The following MYO16 variants were observed in gnomAD, a reference collection of about 807,000 sequenced individuals.
The protein encoded by MYO16 is myosin XVI, also known as unconventional myosin-XVI.
MYO16 carries 94 observed loss-of-function variants against 205.3 expected under a neutral mutation model. The observed-to-expected ratio is 0.46, with a 90% CI of 0.39 to 0.54. The LOEUF is 0.54. MYO16 is among the 20% of genes least tolerant of loss of function. MYO16 has a pLI of 0.00. For missense variants in MYO16, 2,315 were observed against 2,387.5 expected (o/e 0.97, Z 0.63); for synonymous variants, 988 against 954.0 (o/e 1.04, Z -0.66).
chr13:108,699,096 CTATATA>C (rs10590969), intron 2 of MYO16, among the ~76,000 whole-genome samples: 18 of 132,362 alleles, frequency 1.4e-4, no homozygotes, highest in Non-Finnish European at 2.7e-4. Context: ...CTCTCTCTCT[CTATATA>C]TATATATATG....
intron 1 of MYO16, among the ~76,000 whole-genome samples, chr13:108,649,204 C>A (rs1330516140): frequency 6.7e-6 from 1 of 148,682 alleles, no homozygotes; most frequent in African/African-American, 2.6e-5. Flanking sequence ...TGCACATGTC[C>A]CCTAAAACTT....
intron 32 of MYO16, among the ~76,000 whole-genome samples, chr13:109,144,400 CT>C (rs1297476094): frequency 1.3e-5 from 2 of 152,092 alleles, no homozygotes; most frequent in Non-Finnish European, 2.9e-5. Flanking sequence ...TCAGGCCATT[CT>C]TTTAGAATGT....
intron 2 of MYO16, among the ~76,000 whole-genome samples, chr13:108,701,013 G>A (rs769464147): frequency 1.3e-5 from 2 of 152,116 alleles, no homozygotes; most frequent in African/African-American, 2.4e-5. Flanking sequence ...GATCCTAAGC[G>A]AAGGCTGAGA....
chr13:108,927,263 C>T lies in MYO16; in HGVS notation c.1925+17113C>T, dbSNP rs556392041. Among the ~76,000 whole-genome samples, 20 of 152,282 alleles carry T rather than the reference C, an allele frequency of 1.3e-4. No individual in the cohort carries two copies. The South Asian group carries it at 1.4e-3, about 11-fold the overall frequency. On this transcript the variant is annotated intron_variant, in intron 16 of 34. Transcript: ENST00000457511. ...AAATAATGCATTATATTTGCATTTTCGGCATTTAGAATCTTTTCTCCTATT... is the reference window on the plus strand; with the variant it reads ...AAATAATGCATTATATTTGCATTTTTGGCATTTAGAATCTTTTCTCCTATT...
chr13:108,748,245 C>T (rs1885125567), intron 4 of MYO16, among the ~76,000 whole-genome samples: 1 of 151,982 alleles, frequency 6.6e-6, no homozygotes, highest in Non-Finnish European at 1.5e-5. Context: ...AAACAGCACA[C>T]TTAAAAATTA....
At chr13:108,945,736 A>G (rs561228296) in intron 16 of MYO16, among the ~76,000 whole-genome samples, 1 of 152,292 alleles carries the variant, frequency 6.6e-6, no homozygotes, top group African/African-American at 2.4e-5. Flanking sequence ...ATTGTTTTGG[A>G]TAAGTTTACC....
the MYO16 span, among the ~76,000 whole-genome samples, chr13:108,553,150 C>T: frequency 1.3e-5 from 2 of 150,662 alleles, no homozygotes. Context: ...TCCTGAGTAG[C>T]TGGGATTACA....
intron 1 of MYO16, among the ~76,000 whole-genome samples, chr13:108,647,739 G>A (rs953361195): frequency 1.3e-5 from 2 of 152,122 alleles, no homozygotes; most frequent in Non-Finnish European, 2.9e-5. Flanking sequence ...TTAGATATAG[G>A]TATATTTCAG....
At chr13:108,662,384 A>G (rs1395439871) in intron 1 of MYO16, among the ~76,000 whole-genome samples, 1 of 152,150 alleles carries the variant, frequency 6.6e-6, no homozygotes, top group East Asian at 1.9e-4. Flanking sequence ...ACCAGGGTGG[A>G]TAGGGAAGGA....
intron 23 of MYO16, among the ~76,000 whole-genome samples, chr13:109,043,279 C>T (rs750584450): frequency 6.6e-6 from 1 of 152,146 alleles, no homozygotes; most frequent in Non-Finnish European, 1.5e-5. Flanking sequence ...GCCCTGAAGA[C>T]ACTTGGTAGC....
the MYO16 span, among the ~76,000 whole-genome samples, chr13:108,526,907 A>T: frequency 6.6e-6 from 1 of 152,328 alleles, no homozygotes; most frequent in East Asian, 1.9e-4. Context: ...ACAGACTTTT[A>T]GACAAACTGC....
At chr13:109,062,730 T>C (rs867181820) in intron 27 of MYO16, among the ~76,000 whole-genome samples, 20 of 152,124 alleles carry the variant, frequency 1.3e-4, no homozygotes, top group African/African-American at 4.8e-4. Flanking sequence ...AGAAATAGCA[T>C]ATTTTAGTAT....
intron 16 of MYO16, among the ~76,000 whole-genome samples, chr13:108,957,213 G>C (rs529459767): frequency 6.6e-6 from 1 of 151,722 alleles, no homozygotes; most frequent in Admixed American, 6.6e-5. Flanking sequence ...GTGAAACCCC[G>C]TCTCTACTAA....
rs937893053 is a variant in MYO16, at chr13:109,004,398, C to A, written c.2443-4499C>A. Among the ~76,000 whole-genome samples, 6 of 152,090 alleles carry A rather than the reference C, an allele frequency of 3.9e-5. No individual in the cohort carries two copies. The East Asian group carries it at 1.2e-3, about 29-fold the overall frequency. On this transcript the variant is annotated intron_variant, in intron 21 of 34. Transcript: ENST00000457511. ...TATAGCATTTATTATTCCTTTATAACAAAATTACCTTATTATTGGAGTTTA... is the reference window on the plus strand; with the variant it reads ...TATAGCATTTATTATTCCTTTATAAAAAAATTACCTTATTATTGGAGTTTA...
intron 11 of MYO16, among the ~76,000 whole-genome samples, chr13:108,858,389 C>T (rs1315691482): frequency 1.3e-5 from 2 of 152,074 alleles, no homozygotes; most frequent in Non-Finnish European, 2.9e-5. Flanking sequence ...ATTCAAATAC[C>T]CGAATTTGGT....
chr13:109,173,952 G>GGA (rs1555338668), intron 33 of MYO16, among the ~76,000 whole-genome samples: 31 of 147,306 alleles, frequency 2.1e-4, no homozygotes, highest in Non-Finnish European at 2.7e-4. Flanking sequence ...TTTGATGGGG[G>GGA]GGGGTACTCT....
At chr13:108,920,658 C>T (rs1303020027) in intron 16 of MYO16, among the ~76,000 whole-genome samples, 1 of 152,100 alleles carries the variant, frequency 6.6e-6, no homozygotes, top group Non-Finnish European at 1.5e-5. Context: ...GGGGTTTCAC[C>T]ATGTTGGCCA....
At chr13:108,688,208 T>A (rs1594210440) in intron 2 of MYO16, among the ~76,000 whole-genome samples, 1 of 152,206 alleles carries the variant, frequency 6.6e-6, no homozygotes, top group East Asian at 1.9e-4. Flanking sequence ...TTGTAATTTT[T>A]TTCCCCATGT....
rs533796803 is a variant in MYO16 at position 108,891,656 on chromosome 13, G to A, written c.1659+3179G>A. On this transcript the variant is annotated intron_variant, in intron 14 of 34. Transcript: ENST00000457511. Reference sequence around the variant, plus strand: ...TATTGCTGCAGTGTGAAATTTCCACGGAGGTGCCTCTGATGCTGACATGTG... The same window carrying A: ...TATTGCTGCAGTGTGAAATTTCCACAGAGGTGCCTCTGATGCTGACATGTG... 1.9e-3 allele frequency among the ~76,000 whole-genome samples: 290 copies of A among 152,242 alleles called. 1 individual carries two copies. The highest frequency in any genetic ancestry group is 6.4e-3 in the African/African-American group (266 of 41,552).
Sources: allele counts gnomAD v4.1 joint callset (sites outside exome capture counted in the v4.1 genomes callset), GRCh38; gene constraint gnomAD v4.1.1; transcripts MANE v1.5; gene names NCBI Gene and HGNC (gene_info 2026-07-23, HGNC 2026-07-21).